The following ABCB5 variants were observed in gnomAD, a reference collection of about 807,000 sequenced individuals.
ABCB5 encodes ATP-binding cassette sub-family B member 5.
A neutral mutation model predicts 144.2 loss-of-function variants in ABCB5; 155 were observed. The observed-to-expected ratio is 1.08, with a 90% CI of 0.94 to 1.23. ABCB5 has a LOEUF of 1.23. Ranked by LOEUF, ABCB5 falls within the 50% of genes most tolerant of loss-of-function variation. The pLI is 0.00. For missense variants in ABCB5, 1,830 were observed against 1,520.8 expected (o/e 1.20, Z -3.38); for synonymous variants, 610 against 528.6 (o/e 1.15, Z -2.11).
At chr7:20,695,227 G>C (rs546182812) in intron 16 of ABCB5, among the ~76,000 whole-genome samples, 1 of 151,912 alleles carries the variant, frequency 6.6e-6, no homozygotes, top group African/African-American at 2.4e-5. Context: ...TAGACAAATA[G>C]ATCAATGGAA....
rs1783098332 is a variant in ABCB5 at position 20,756,745 on chromosome 7, A to T, written c.*1121A>T. 1 of 152,212 alleles carries T rather than the reference A, an allele frequency of 6.6e-6. No individual in the cohort carries two copies. Among genetic ancestry groups the T allele is most frequent in the African/African-American group, 2.4e-5 (1 of 41,450 alleles). The allele number at this position is 152,212 out of a possible 1,614,324, so 9.4% of individuals were successfully genotyped here. A position where few individuals can be genotyped will look rare whatever the true frequency, so the allele number is the denominator to read the frequency against. On this transcript the variant is annotated 3_prime_UTR_variant, in exon 28 of 28. Coordinates refer to ENST00000404938, the MANE Select transcript of ABCB5 (RefSeq NM_001163941.2). ...TTAAATTTTATATATACTTTATCATATATAATGTGTGAATGATTTTAAAGT... is the reference window on the plus strand; with the variant it reads ...TTAAATTTTATATATACTTTATCATTTATAATGTGTGAATGATTTTAAAGT...
At chr7:20,650,961 G>A (rs1427922514) in intron 12 of ABCB5, among the ~76,000 whole-genome samples, 1 of 152,204 alleles carries the variant, frequency 6.6e-6, no homozygotes, top group Non-Finnish European at 1.5e-5. Context: ...ACCACCCGTG[G>A]AGAAGCCAGA....
At chr7:20,680,966 TTC>T (rs1196506670) in intron 14 of ABCB5, among the ~76,000 whole-genome samples, 1 of 147,404 alleles carries the variant, frequency 6.8e-6, no homozygotes, top group Non-Finnish European at 1.5e-5. Context: ...CCTCCCTCCT[TTC>T]TTTTTCTTTC....
chr7:20,694,164 G>A (rs953491046), intron 16 of ABCB5, among the ~76,000 whole-genome samples: 4 of 150,028 alleles, frequency 2.7e-5, no homozygotes, highest in African/African-American at 4.9e-5. Flanking sequence ...TAGACAATGA[G>A]ATTACAAAAA....
chr7:20,630,934 A>G (rs903166705), intron 4 of ABCB5, among the ~76,000 whole-genome samples: 1 of 152,216 alleles, frequency 6.6e-6, no homozygotes, highest in African/African-American at 2.4e-5. Flanking sequence ...AATGATTTAC[A>G]TAAATTCATG....
chr7:20,680,802 T>C (rs1008610645), intron 14 of ABCB5, among the ~76,000 whole-genome samples: 2 of 152,160 alleles, frequency 1.3e-5, no homozygotes, highest in Non-Finnish European at 2.9e-5. Context: ...AATATCCCCA[T>C]TTTAAAGATG....
Position 20,628,731 on chromosome 7 carries a change from G to A in ABCB5, c.152G>A (p.Gly51Asp). 6.2e-7 allele frequency: 1 copy of A among 1,613,508 alleles called. No individual in the cohort carries two copies. The highest frequency in any genetic ancestry group is 8.5e-7 in the Non-Finnish European group (1 of 1,179,766). Residue 51 changes from glycine to aspartate, a missense_variant, in exon 4 of 28, where the codon GGT becomes GAT. Transcript: ENST00000404938. The stretch of plus-strand genomic sequence containing the variant: ...CTGGACATCACACTCATGATCCTGG[G>A]TATACTGGCATCACTGGTCAATGGA... ...DGLDITLMIL[G>D]ILASLVNGAC...
In ABCB5 at chr7:20,651,275, T is replaced by G. The variant is rs894931096; in HGVS notation, c.1333-145T>G. 363 of 753,960 alleles carry G rather than the reference T, an allele frequency of 4.8e-4. 2 individuals are homozygous for G. Among genetic ancestry groups the G allele is most frequent in the Non-Finnish European group, 6.8e-4 (319 of 471,656 alleles). 46.7% of individuals were successfully genotyped at this position (753,960 alleles called of 1,614,324 possible). A position where few individuals can be genotyped will look rare whatever the true frequency, so the allele number is the denominator to read the frequency against. ...AGAAAAAGTCTATGGACAATATATA[T>G]GTTAGAAATATTTTATCAAAATATA... On this transcript the variant is annotated intron_variant, in intron 12 of 27. Transcript: ENST00000404938.
intron 5 of ABCB5, among the ~76,000 whole-genome samples, chr7:20,634,950 T>G (rs1234059524): frequency 6.6e-6 from 1 of 152,198 alleles, no homozygotes; most frequent in Admixed American, 6.5e-5. Context: ...CATTTGTTTT[T>G]GAAGTCTTAG....
At chr7:20,755,052 C>A (rs904600408) in intron 27 of ABCB5, among the ~76,000 whole-genome samples, 4 of 152,076 alleles carry the variant, frequency 2.6e-5, no homozygotes, top group African/African-American at 9.7e-5. Context: ...CAGGGTCAAG[C>A]GATTGTCCTG....
chr7:20,756,713 A>G lies in ABCB5; in HGVS notation c.*1089A>G, dbSNP rs1168788696. On this transcript the variant is annotated 3_prime_UTR_variant, in exon 28 of 28. Transcript: ENST00000404938. ...TAAACGTCTTTCTCTATAATAAAAT[A>G]ATTTCCTTAAATTTTATATATACTT... 1 of 152,196 alleles carries G rather than the reference A, an allele frequency of 6.6e-6. No individual in the cohort carries two copies. The highest frequency in any genetic ancestry group is 1.9e-4 in the East Asian group (1 of 5,208). 9.4% of individuals were successfully genotyped at this position (152,196 alleles called of 1,614,324 possible). A position where few individuals can be genotyped will look rare whatever the true frequency, so the allele number is the denominator to read the frequency against.
At chr7:20,624,424 C>A (rs76810225) in intron 2 of ABCB5, among the ~76,000 whole-genome samples, 7,145 of 152,234 alleles carry the variant, frequency 0.047, 834 homozygotes, top group East Asian at 0.46. Flanking sequence ...ACCAAAAAAA[C>A]TAACAGGTCA....
chr7:20,627,337 A>C (rs1783931399), intron 3 of ABCB5, among the ~76,000 whole-genome samples: 1 of 152,204 alleles, frequency 6.6e-6, no homozygotes. Flanking sequence ...ATACTCTCTT[A>C]ATGTCCGTAA....
intron 3 of ABCB5, among the ~76,000 whole-genome samples, chr7:20,627,043 C>A (rs1433593777): frequency 6.6e-6 from 1 of 151,952 alleles, no homozygotes; most frequent in African/African-American, 2.4e-5. Flanking sequence ...CCTTTTAAAT[C>A]AAAAATAATT....
chr7:20,720,208 A>G (rs1435776812), intron 20 of ABCB5, among the ~76,000 whole-genome samples: 2 of 152,136 alleles, frequency 1.3e-5, no homozygotes, highest in South Asian at 2.1e-4. Context: ...ACGTGAAGGG[A>G]CTTCCACTGG....
In ABCB5 at chr7:20,668,647, T is replaced by TCCTCTGCC. The variant is rs1317503677; in HGVS notation, c.1707+9973_1707+9980dup. 1.5e-3 allele frequency among the ~76,000 whole-genome samples: 193 copies of TCCTCTGCC among 129,486 alleles called. 1 individual carries two copies. The highest frequency in any genetic ancestry group is 5.7e-3 in the African/African-American group (183 of 32,082). The allele number at this position is 129,486 out of a possible 152,430, so 84.9% of individuals were successfully genotyped here. On this transcript the variant is annotated intron_variant, in intron 14 of 27. Transcript: ENST00000404938. ...CCGCCCCGTCCGGGAGGTGAGGGAC[T>TCCTCTGCC]CCTCTGCCCGGCCGCCCCTACTGGG...
Position 20,647,548 on chromosome 7 carries a change from T to A in ABCB5, c.995T>A (p.Val332Glu). 6.3e-7 allele frequency: 1 copy of A among 1,575,896 alleles called. No homozygotes were observed. The change falls in exon 10 of 28, where the codon GTA becomes GAA. Residue 332 changes from valine (V) to glutamate (E), a missense_variant. Transcript: ENST00000404938. ...IGTVLAVFFSVIHSSYCIGAA... is the reference protein window; with the variant it reads ...IGTVLAVFFSEIHSSYCIGAA... ...TTGTTCCTGTAGGTTTTCTTTAGTG[T>A]AATCCATAGCAGTTATTGCATTGGA...
rs139006523 is a variant in ABCB5, at chr7:20,756,930, T to C, written c.*1306T>C. 6.6e-6 allele frequency: 1 copy of C among 152,458 alleles called. No individual in the cohort carries two copies. Among genetic ancestry groups the C allele is most frequent in the East Asian group, 1.9e-4 (1 of 5,328 alleles). The allele number at this position is 152,458 out of a possible 1,614,324, so 9.4% of individuals were successfully genotyped here. A position where few individuals can be genotyped will look rare whatever the true frequency, so the allele number is the denominator to read the frequency against. On this transcript the variant is annotated 3_prime_UTR_variant, in exon 28 of 28. Transcript: ENST00000404938. Reference sequence around the variant, plus strand: ...TGTACTCTACCAATAATTGAAATCTTGTTAAACAAAATTAAAACCATTTAT... The same window carrying C: ...TGTACTCTACCAATAATTGAAATCTCGTTAAACAAAATTAAAACCATTTAT...
intron 20 of ABCB5, among the ~76,000 whole-genome samples, chr7:20,713,805 G>A (rs1781577083): frequency 6.7e-6 from 1 of 149,442 alleles, no homozygotes; most frequent in Non-Finnish European, 1.5e-5. Context: ...ACTAATCCCA[G>A]TCCTGACATG....
Sources: gnomAD v4.1 joint callset for allele counts (sites outside exome capture counted in the v4.1 genomes callset) on GRCh38, gnomAD v4.1.1 for gene constraint, MANE v1.5 for transcripts, NCBI Gene and HGNC (gene_info 2026-07-23, HGNC 2026-07-21) for gene names.